The following COL6A6 variants were observed in gnomAD, a reference collection of about 807,000 sequenced individuals.
The protein encoded by COL6A6 is collagen alpha-6(VI) chain.
COL6A6 carries 183 observed loss-of-function variants against 208.6 expected under a neutral mutation model. The ratio of observed to expected loss-of-function variants is 0.88; its 90% confidence interval spans 0.78 to 0.99. The LOEUF is 0.99. Ranked by LOEUF, COL6A6 falls within the 50% of genes least tolerant of loss-of-function variation. The probability of loss-of-function intolerance (pLI) is 0.00; values close to 1 mark genes in which losing one functional copy is unlikely to be tolerated. For synonymous variants in COL6A6, 973 were observed against 1,011.8 expected (o/e 0.96, Z 0.73); for missense variants, 2,816 against 2,815.2 (o/e 1.00, Z -0.01).
At position 130,563,107 on chromosome 3, in the gene COL6A6, C is replaced by G. The variant is rs765125322; in HGVS notation, c.104C>G (p.Ser35Cys). 8 of 1,613,756 alleles carry G rather than the reference C, an allele frequency of 5.0e-6. No individual in the cohort carries two copies. In the South Asian group the frequency reaches 5.5e-5, roughly 11 times the overall value. ...GATGTTGTGTTTTTGGTGGACAGCT[C>G]TGATCGCCTGGGATCCAAGTCCTTC... ...YADVVFLVDS[S>C]DRLGSKSFPF... Residue 35 changes from serine (S) to cysteine (C), a missense_variant, in exon 3 of 37, where the codon TCT becomes TGT. Ser to Cys is a moderately radical substitution (Grantham distance 112). Coordinates refer to ENST00000358511, the MANE Select transcript of COL6A6 (RefSeq NM_001102608.3).
chr3:130,570,691 C>A, intron 6 of COL6A6, 127 bp from the exon 7 acceptor site: 1 of 682,712 alleles, frequency 1.5e-6, no homozygotes, highest in Non-Finnish European at 2.5e-6. Context: ...ATCCAGGGAA[C>A]CGACATTCTA....
chr3:130,644,707 T>C (rs2065418893), intron 31 of COL6A6, among the ~76,000 whole-genome samples: 1 of 152,220 alleles, frequency 6.6e-6, no homozygotes, highest in Admixed American at 6.5e-5. Flanking sequence ...CCCTGCAATG[T>C]CATTTTCCCT....
intron 8 of COL6A6, among the ~76,000 whole-genome samples, chr3:130,575,634 C>T (rs2107966227): frequency 6.6e-6 from 1 of 152,318 alleles, no homozygotes; most frequent in Non-Finnish European, 1.5e-5. Context: ...TCACTGCACT[C>T]CCCATCTTCC....
chr3:130,570,676 C>T, intron 6 of COL6A6, 142 bp from the exon 7 acceptor site: 2 of 639,680 alleles, frequency 3.1e-6, no homozygotes, highest in Admixed American at 2.9e-5. Context: ...GTGTATTGTC[C>T]TCTTATCCAG....
chr3:130,596,860 T>C (rs974250703), intron 18 of COL6A6, among the ~76,000 whole-genome samples: 1 of 152,342 alleles, frequency 6.6e-6, no homozygotes, highest in Non-Finnish European at 1.5e-5. Context: ...AGTTAAATTA[T>C]TTGATCTATA....
intron 2 of COL6A6, among the ~76,000 whole-genome samples, chr3:130,561,922 G>T (rs961833630): frequency 2.6e-5 from 4 of 152,060 alleles, no homozygotes; most frequent in African/African-American, 9.7e-5. Flanking sequence ...AAAGTGCTGG[G>T]ATTACAGGCG....
At chr3:130,639,752 A>T (rs566420744) in intron 28 of COL6A6, among the ~76,000 whole-genome samples, 2 of 151,976 alleles carry the variant, frequency 1.3e-5, no homozygotes, top group African/African-American at 2.4e-5. Context: ...GGGCTTGTCA[A>T]CTACCGGTTT....
chr3:130,668,768 A>G (rs2066138549), intron 36 of COL6A6, among the ~76,000 whole-genome samples: 2 of 152,236 alleles, frequency 1.3e-5, no homozygotes, highest in African/African-American at 4.8e-5. Flanking sequence ...CTGAAAAACC[A>G]TAAGGAGAAA....
In COL6A6 at chr3:130,610,707, C is replaced by A; in HGVS notation, c.4811C>A (p.Pro1604His). 1.3e-6 allele frequency: 2 copies of A among 1,581,228 alleles called. No individual in the cohort carries two copies. The highest frequency in any genetic ancestry group is 1.3e-5 in the African/African-American group (1 of 74,290). The change falls in exon 23 of 37, where the codon CCC (proline) becomes CAC (histidine). Residue 1604 changes from proline (P) to histidine (H), a missense_variant. Pro to His is a moderately conservative substitution (Grantham distance 77). Coordinates refer to ENST00000358511, the MANE Select transcript of COL6A6 (RefSeq NM_001102608.3). ...AAAGGAGGTGTGGGAAGTAAAGGTC[C>A]CCAGGTATGTAATGAGAAAAATGAT... ...GEKGGVGSKG[P>H]QGPPGPGGEA...
intron 1 of COL6A6, among the ~76,000 whole-genome samples, chr3:130,530,965 T>G (rs906206238): frequency 6.6e-6 from 1 of 151,804 alleles, no homozygotes; most frequent in South Asian, 2.1e-4. Flanking sequence ...CATAATTACG[T>G]GAACCAATTT....
intron 1 of COL6A6, among the ~76,000 whole-genome samples, chr3:130,551,915 A>T (rs2107803456): frequency 6.6e-6 from 1 of 152,218 alleles, no homozygotes; most frequent in Middle Eastern, 3.4e-3. Flanking sequence ...TTCATTATTT[A>T]CCCAAAAGTC....
intron 1 of COL6A6, among the ~76,000 whole-genome samples, chr3:130,539,987 C>G (rs907924210): frequency 3.3e-5 from 5 of 152,196 alleles, no homozygotes; most frequent in African/African-American, 1.2e-4. Context: ...ATTACATACT[C>G]ATTTATGGGT....
intron 21 of COL6A6, 140 bp from the exon 22 acceptor site, chr3:130,608,762 C>CTTTT: frequency 6.4e-6 from 3 of 468,152 alleles, no homozygotes; most frequent in South Asian, 3.0e-5. Flanking sequence ...TTATTTTTCA[C>CTTTT]CTTTTTTTTT....
intron 10 of COL6A6, among the ~76,000 whole-genome samples, chr3:130,585,916 T>C (rs1400653152): frequency 6.6e-6 from 1 of 152,230 alleles, no homozygotes; most frequent in African/African-American, 2.4e-5. Flanking sequence ...CCAGTGCTGC[T>C]GCTTCAAGGA....
At chr3:130,578,631 A>G (rs1165040368) in intron 8 of COL6A6, among the ~76,000 whole-genome samples, 1 of 152,196 alleles carries the variant, frequency 6.6e-6, no homozygotes, top group Non-Finnish European at 1.5e-5. Context: ...TTTACCTGCC[A>G]ATTGCTTCCC....
chr3:130,658,012 T>C (rs1379975313), intron 33 of COL6A6, among the ~76,000 whole-genome samples: 1 of 152,200 alleles, frequency 6.6e-6, no homozygotes, highest in Non-Finnish European at 1.5e-5. Flanking sequence ...AAGCTCCCCC[T>C]GTGGGTTACT....
chr3:130,578,222 C>A (rs1343546913), intron 8 of COL6A6, among the ~76,000 whole-genome samples: 1 of 151,992 alleles, frequency 6.6e-6, no homozygotes. Context: ...GGAGACTGAG[C>A]AAAAGATTAG....
Position 130,568,480 on chromosome 3 carries a change from C to T in COL6A6, c.2277C>T (p.Gly759=), listed in dbSNP as rs1321449964. 1.2e-6 allele frequency: 2 copies of T among 1,613,874 alleles called. No homozygotes were observed. Among genetic ancestry groups the T allele is most frequent in the Non-Finnish European group, 1.7e-6 (2 of 1,179,884 alleles). ...TCATCTATTCTGTGGGAGTGTTTGG[C>T]TCCAATGTCACCCAGCTTGAGGAGA... ...GVIIYSVGVF[G]SNVTQLEEIS... is the part of the protein sequence containing the mutation. The change falls in exon 6 of 37, where the codon GGC becomes GGT. Residue 759 remains glycine, a synonymous_variant. Transcript: ENST00000358511.
intron 1 of COL6A6, among the ~76,000 whole-genome samples, chr3:130,538,173 T>C (rs1462179198): frequency 6.6e-6 from 1 of 152,212 alleles, no homozygotes; most frequent in Non-Finnish European, 1.5e-5. Context: ...TGCTCAACTT[T>C]GCCAAGACTT....
Sources: gnomAD v4.1 joint callset for allele counts (sites outside exome capture counted in the v4.1 genomes callset) on GRCh38, gnomAD v4.1.1 for gene constraint, MANE v1.5 for transcripts, NCBI Gene and HGNC (gene_info 2026-07-23, HGNC 2026-07-21) for gene names.